Variants in HMGCLL1 observed in about 807,000 individuals in gnomAD.
HMGCLL1 encodes the protein 3-hydroxy-3-methylglutaryl-CoA lyase like 1, also known as 3-hydroxymethyl-3-methylglutaryl-CoA lyase, cytoplasmic.
A neutral mutation model predicts 39.1 loss-of-function variants in HMGCLL1; 36 were observed. That is an observed-to-expected ratio of 0.92 (90% confidence interval 0.71 to 1.22). The LOEUF is 1.22. Ranked by LOEUF, HMGCLL1 falls within the 50% of genes most tolerant of loss-of-function variation. The pLI is 0.00. For synonymous variants in HMGCLL1, 149 were observed against 144.0 expected, an observed-to-expected ratio of 1.03 and a Z score of -0.25; for missense variants, 451 against 416.5, an observed-to-expected ratio of 1.08 and a Z score of -0.72.
At chr6:55,591,907 T>C in the HMGCLL1 span, among the ~76,000 whole-genome samples, 1 of 151,994 alleles carries the variant, frequency 6.6e-6, no homozygotes, top group Non-Finnish European at 1.5e-5. Context: ...TGACCTATAT[T>C]TCACAAATCT....
chr6:55,532,747 G>C (rs1238294589), intron 3 of HMGCLL1, among the ~76,000 whole-genome samples: 1 of 151,278 alleles, frequency 6.6e-6, no homozygotes, highest in Non-Finnish European at 1.5e-5. Context: ...GTTGCAGTGA[G>C]CTGAGATCAC....
the HMGCLL1 span, among the ~76,000 whole-genome samples, chr6:55,590,196 A>G: frequency 6.6e-6 from 1 of 152,306 alleles, no homozygotes; most frequent in African/African-American, 2.4e-5. Context: ...TACTGTTACT[A>G]AAACAGAGAT....
At chr6:55,648,839 A>G in the HMGCLL1 span, among the ~76,000 whole-genome samples, 1 of 124,634 alleles carries the variant, frequency 8.0e-6, no homozygotes, top group African/African-American at 3.1e-5. Context: ...CAATAGAAAA[A>G]GAGGGAATCC....
At chr6:55,490,244 T>A (rs1199836661) in intron 7 of HMGCLL1, among the ~76,000 whole-genome samples, 1 of 152,096 alleles carries the variant, frequency 6.6e-6, no homozygotes, top group African/African-American at 2.4e-5. Context: ...AGAATGGAGA[T>A]CACAATGTAT....
the HMGCLL1 span, among the ~76,000 whole-genome samples, chr6:55,653,205 G>A: frequency 6.6e-6 from 1 of 151,774 alleles, no homozygotes; most frequent in Admixed American, 6.6e-5. Flanking sequence ...TTCTTTTATG[G>A]CAAGAAAAAA....
At chr6:55,605,173 T>C in the HMGCLL1 span, among the ~76,000 whole-genome samples, 3 of 152,112 alleles carry the variant, frequency 2.0e-5, no homozygotes, top group African/African-American at 7.2e-5. Context: ...CTATATCCAA[T>C]GAGTAAAGAA....
intron 3 of HMGCLL1, among the ~76,000 whole-genome samples, chr6:55,536,675 A>T (rs62407362): frequency 0.65 from 98,382 of 151,730 alleles, 32,190 homozygotes; most frequent in Admixed American, 0.71. Context: ...TTCCCAGATA[A>T]GTTGTAAAGA....
the HMGCLL1 span, among the ~76,000 whole-genome samples, chr6:55,673,701 G>A: frequency 1.3e-5 from 2 of 151,760 alleles, no homozygotes; most frequent in African/African-American, 4.8e-5. Flanking sequence ...TGCCCCTTAA[G>A]GGATGATGAT....
chr6:55,518,576 AG>A (rs1554149844), intron 3 of HMGCLL1, among the ~76,000 whole-genome samples: 2 of 152,176 alleles, frequency 1.3e-5, no homozygotes, highest in Non-Finnish European at 2.9e-5. Flanking sequence ...GTTACAAAAA[AG>A]GATACAGCTT....
intron 3 of HMGCLL1, among the ~76,000 whole-genome samples, chr6:55,522,078 C>A (rs1200661167): frequency 6.6e-6 from 1 of 151,934 alleles, no homozygotes; most frequent in Non-Finnish European, 1.5e-5. Flanking sequence ...TCCCCTAAGC[C>A]AAAGCCTAAT....
Position 55,542,126 on chromosome 6 carries a change from T to C in HMGCLL1, c.123A>G (p.Leu41=), listed in dbSNP as rs553817629. The C allele has an allele frequency of 3.1e-6, 5 of 1,607,412 alleles. No individual in the cohort carries two copies. The African/African-American group carries it at 6.7e-5, about 21-fold the overall frequency. The change falls in exon 2 of 9, where the codon TTA becomes TTG. Residue 41 remains leucine, a synonymous_variant. Coordinates refer to ENST00000274901, the MANE Select transcript of HMGCLL1 (RefSeq NM_001042406.2). The part of the protein sequence containing the change: ...ALDPAQETSQ[L]SGLPEFVKIV... ...TTTTAACAAACTCAGGGAGTCCAGATAACTGGGATGTTTCCTGAAATGCAA... is the reference window on the plus strand; with the variant it reads ...TTTTAACAAACTCAGGGAGTCCAGACAACTGGGATGTTTCCTGAAATGCAA...
intron 5 of HMGCLL1, among the ~76,000 whole-genome samples, chr6:55,505,622 C>CT (rs898027870): frequency 6.6e-6 from 1 of 151,516 alleles, no homozygotes; most frequent in Non-Finnish European, 1.5e-5. Flanking sequence ...TTTATTTCTC[C>CT]TAAGCCTACT....
At chr6:55,623,191 C>CA in the HMGCLL1 span, among the ~76,000 whole-genome samples, 2 of 151,714 alleles carry the variant, frequency 1.3e-5, no homozygotes, top group Non-Finnish European at 2.9e-5. Flanking sequence ...TATCTTTTCC[C>CA]AAAAAAACTT....
chr6:55,673,312 T>C, the HMGCLL1 span, among the ~76,000 whole-genome samples: 1 of 151,934 alleles, frequency 6.6e-6, no homozygotes, highest in Non-Finnish European at 1.5e-5. Flanking sequence ...TAAAAAGCCA[T>C]GTGCACTTAT....
chr6:55,626,006 T>A, the HMGCLL1 span, among the ~76,000 whole-genome samples: 1 of 152,130 alleles, frequency 6.6e-6, no homozygotes. Context: ...AGGTTATGCA[T>A]GCACTCAGTA....
At chr6:55,572,699 A>T (rs956573272) in intron 1 of HMGCLL1, among the ~76,000 whole-genome samples, 1 of 152,172 alleles carries the variant, frequency 6.6e-6, no homozygotes, top group African/African-American at 2.4e-5. Context: ...AAATGAATAT[A>T]TTTTTACAAT....
At position 55,434,814 on chromosome 6, in the gene HMGCLL1, A is replaced by T. The variant is rs571234678; in HGVS notation, c.*848T>A. The T allele has an allele frequency of 6.6e-6, 1 of 152,230 alleles. No individual in the cohort carries two copies. The highest frequency in any genetic ancestry group is 2.1e-4 in the South Asian group (1 of 4,828). The allele number at this position is 152,230 out of a possible 1,614,324, so 9.4% of individuals were successfully genotyped here. A position where few individuals can be genotyped will look rare whatever the true frequency, so the allele number is the denominator to read the frequency against. Reference sequence around the variant, plus strand: ...ATTATCTTAATATTCTTAGGATCACAATATTTCCTTGGGCAATTTGAAAGT... The same window carrying T: ...ATTATCTTAATATTCTTAGGATCACTATATTTCCTTGGGCAATTTGAAAGT... On this transcript the variant is annotated 3_prime_UTR_variant, in exon 9 of 9. Coordinates refer to ENST00000274901, the MANE Select transcript of HMGCLL1 (RefSeq NM_001042406.2).
chr6:55,582,137 A>T (rs932022830), upstream of HMGCLL1, among the ~76,000 whole-genome samples: 1 of 152,146 alleles, frequency 6.6e-6, no homozygotes, highest in Non-Finnish European at 1.5e-5. Flanking sequence ...TTGGTTCTAG[A>T]TTATCTATGA....
chr6:55,638,836 GA>G, the HMGCLL1 span, among the ~76,000 whole-genome samples: 1 of 152,010 alleles, frequency 6.6e-6, no homozygotes, highest in African/African-American at 2.4e-5. Flanking sequence ...AGGGAATTAA[GA>G]TAAATAAAAA....
Sources: gnomAD v4.1 joint callset for allele counts (sites outside exome capture counted in the v4.1 genomes callset) on GRCh38, gnomAD v4.1.1 for gene constraint, MANE v1.5 for transcripts, NCBI Gene and HGNC (gene_info 2026-07-23, HGNC 2026-07-21) for gene names.